Variants in OR8B4 observed in about 807,000 individuals in gnomAD.
OR8B4 encodes olfactory receptor family 8 subfamily B member 4, also known as olfactory receptor 8B4.
In OR8B4, 3 loss-of-function variants were observed where a neutral mutation model predicts 1.3. The observed-to-expected ratio is 2.37, with a 90% CI of 1.08 to 6.13. The LOEUF is 6.13. Ranked by LOEUF, OR8B4 falls within the 30% of genes most tolerant of loss-of-function variation. The pLI, the probability that OR8B4 is intolerant of heterozygous loss-of-function variation, is 0.02. For missense variants in OR8B4, 360 were observed against 368.9 expected (o/e 0.98, Z 0.20); for synonymous variants, 139 against 144.2 (o/e 0.96, Z 0.26).
rs1484454147 is a variant in OR8B4 at position 124,424,474 on chromosome 11, A to G, written c.398T>C (p.Val133Ala). The change falls in exon 1 of 1, where the codon GTC (valine) becomes GCC (alanine). Residue 133 changes from valine (V) to alanine (A), a missense_variant. Val to Ala is a moderately conservative substitution (Grantham distance 64). Coordinates refer to ENST00000356130, the MANE Select transcript of OR8B4 (RefSeq NM_001005196.1). ...AAAGCAGACCCTTGGGGACATGGTG[A>G]CCATGTAGAGCAGGGGGTTGCAGAT... ...VAICNPLLYM[V>A]TMSPRVCFLL... is the part of the protein sequence containing the mutation. 6.2e-7 allele frequency: 1 copy of G among 1,614,160 alleles called. No homozygotes were observed. Among genetic ancestry groups the G allele is most frequent in the Admixed American group, 1.7e-5 (1 of 60,016 alleles).
chr11:124,424,791 AAG>A lies in OR8B4; in HGVS notation c.79_80del (p.Leu27PhefsTer27). Reference sequence around the variant, plus strand: ...CATAGATCCCTAAGAATAGAAGGAAAAGAGGGAGCTGGAGCTCTGGCTGTTCT... The same window carrying A: ...CATAGATCCCTAAGAATAGAAGGAAAAGGGAGCTGGAGCTCTGGCTGTTCT... ...LSEQPELQLP[L>X]FLLFLGIYVF... is the part of the protein sequence containing the mutation. On this transcript the variant is annotated frameshift_variant, in exon 1 of 1. Coordinates refer to ENST00000356130, the MANE Select transcript of OR8B4 (RefSeq NM_001005196.1). LOFTEE classifies it low-confidence loss of function (END_TRUNC). 6.2e-7 allele frequency: 1 copy of A among 1,613,790 alleles called. No individual in the cohort carries two copies. The highest frequency in any genetic ancestry group is 8.5e-7 in the Non-Finnish European group (1 of 1,179,806).
rs1048330002 is a variant in OR8B4 at position 124,424,471 on chromosome 11, G to T, written c.401C>A (p.Thr134Asn). The change falls in exon 1 of 1, where the codon ACC (threonine) becomes AAC (asparagine). Residue 134 changes from threonine to asparagine, a missense_variant. By Grantham distance (65) the Thr-to-Asn change is moderately conservative. Transcript: ENST00000356130. ...AICNPLLYMV[T>N]MSPRVCFLLM... ...CAGAAAGCAGACCCTTGGGGACATG[G>T]TGACCATGTAGAGCAGGGGGTTGCA... 4 of 1,614,004 alleles carry T rather than the reference G, an allele frequency of 2.5e-6. No homozygotes were observed. The African/African-American group carries it at 4.0e-5, about 16-fold the overall frequency.
Position 124,424,296 on chromosome 11 carries a change from A to G in OR8B4, c.576T>C (p.His192=), listed in dbSNP as rs767892691. The G allele has an allele frequency of 8.7e-6, 14 of 1,613,712 alleles. No homozygotes were observed. In the South Asian group the frequency reaches 1.4e-4, roughly 16 times the overall value. ...PLLQLSCTST[H]VSELVFFIVV... ...CAATGAAAAATACCAGCTCACTGAC[A>G]TGGGTGCTGGTGCAGGAGAGCTGCA... The change falls in exon 1 of 1, where the codon CAT becomes CAC. Residue 192 remains histidine, a synonymous_variant. Coordinates refer to ENST00000356130, the MANE Select transcript of OR8B4 (RefSeq NM_001005196.1).
rs777720636 is a variant in OR8B4 at position 124,424,693 on chromosome 11, T to C, written c.179A>G (p.Tyr60Cys). Residue 60 changes from tyrosine to cysteine, a missense_variant, in exon 1 of 1, where the codon TAC (tyrosine) becomes TGC (cysteine). Tyr to Cys is a radical substitution (Grantham distance 194). Coordinates refer to ENST00000356130, the MANE Select transcript of OR8B4 (RefSeq NM_001005196.1). ...AAAGGACAAGTTGAAGAGGAAAAAG[T>C]ACATGGGGGTGTGAAGGCTAGGATT... ...GINPSLHTPMYFFLFNLSFID... is the reference protein window; with the variant it reads ...GINPSLHTPMCFFLFNLSFID... 6.2e-6 allele frequency: 10 copies of C among 1,613,942 alleles called. No individual in the cohort carries two copies. The highest frequency in any genetic ancestry group is 2.7e-5 in the African/African-American group (2 of 74,896).
rs267602759 is a variant in OR8B4 at position 124,424,773 on chromosome 11, C to T, written c.99G>A (p.Gly33=). 8 of 1,613,890 alleles carry T rather than the reference C, an allele frequency of 5.0e-6. No homozygotes were observed. In the East Asian group the frequency reaches 1.8e-4, roughly 36 times the overall value. Reference sequence around the variant, plus strand: ...TGCCCACCACAGTGAACACATAGATCCCTAAGAATAGAAGGAAAAGAGGGA... The same window carrying T: ...TGCCCACCACAGTGAACACATAGATTCCTAAGAATAGAAGGAAAAGAGGGA... The part of the protein sequence containing the change: ...LQLPLFLLFL[G]IYVFTVVGNL... The change falls in exon 1 of 1, where the codon GGG becomes GGA. Residue 33 remains glycine, a synonymous_variant. Coordinates refer to ENST00000356130, the MANE Select transcript of OR8B4 (RefSeq NM_001005196.1).
chr11:124,424,214 T>C lies in OR8B4; in HGVS notation c.658A>G (p.Ile220Val), dbSNP rs948156651. The C allele has an allele frequency of 5.0e-6, 8 of 1,614,028 alleles. No homozygotes were observed. The African/African-American group carries it at 1.1e-4, about 22-fold the overall frequency. ...GGAATACAGAGGATGTTGGAGAGTA[T>C]CAAAGCGTAAGAGATGACGATGCTT... Reference protein sequence around the residue: ...SISIVISYALILSNILCIPSA... With the variant: ...SISIVISYALVLSNILCIPSA... The change falls in exon 1 of 1, where the codon ATA (isoleucine) becomes GTA (valine). Residue 220 changes from isoleucine to valine, a missense_variant. Transcript: ENST00000356130.
At position 124,424,749 on chromosome 11, in the gene OR8B4, G is replaced by A; in HGVS notation, c.123C>T (p.Gly41=). ...CAATTAAGGTGATCAAGCCCAAGTTGCCCACCACAGTGAACACATAGATCC... is the reference window on the plus strand; with the variant it reads ...CAATTAAGGTGATCAAGCCCAAGTTACCCACCACAGTGAACACATAGATCC... ...FLGIYVFTVV[G]NLGLITLIGI... The change falls in exon 1 of 1, where the codon GGC becomes GGT. Residue 41 remains glycine, a synonymous_variant. Transcript: ENST00000356130. The A allele has an allele frequency of 6.2e-7, 1 of 1,614,046 alleles. No individual in the cohort carries two copies. Among genetic ancestry groups the A allele is most frequent in the Non-Finnish European group, 8.5e-7 (1 of 1,179,946 alleles).
At position 124,424,806 on chromosome 11, in the gene OR8B4, CT is replaced by C; in HGVS notation, c.65del (p.Glu22GlyfsTer11). The C allele has an allele frequency of 1.2e-6, 2 of 1,613,798 alleles. No homozygotes were observed. The highest frequency in any genetic ancestry group is 1.7e-6 in the Non-Finnish European group (2 of 1,179,846). ...ATAGAAGGAAAAGAGGGAGCTGGAG[CT>C]CTGGCTGTTCTGATAATCCCACAAG... ...FILVGLSEQP[E>X]LQLPLFLLFL... On this transcript the variant is annotated frameshift_variant, in exon 1 of 1. Transcript: ENST00000356130. LOFTEE classifies it low-confidence loss of function (END_TRUNC).
Position 124,424,786 on chromosome 11 carries a change from A to G in OR8B4, c.86T>C (p.Leu29Pro), listed in dbSNP as rs763788213. Residue 29 changes from leucine (L) to proline (P), a missense_variant, in exon 1 of 1, where the codon CTT becomes CCT. Transcript: ENST00000356130. ...GAACACATAGATCCCTAAGAATAGA[A>G]GGAAAAGAGGGAGCTGGAGCTCTGG... ...EQPELQLPLFLLFLGIYVFTV... is the reference protein window; with the variant it reads ...EQPELQLPLFPLFLGIYVFTV... The G allele has an allele frequency of 1.2e-6, 2 of 1,613,868 alleles. No homozygotes were observed. The highest frequency in any genetic ancestry group is 3.3e-5 in the Admixed American group (2 of 60,006).
At position 124,424,416 on chromosome 11, in the gene OR8B4, A is replaced by G; in HGVS notation, c.456T>C (p.Phe152=). The part of the protein sequence containing the change: ...LLMFGSYVVG[F]AGAMAHTGSM... ...TTCCAGTGTGGGCCATGGCCCCAGC[A>G]AACCCTACCACATAGGAACCAAACA... Residue 152 remains phenylalanine (F), a synonymous_variant, in exon 1 of 1, where the codon TTT becomes TTC. Coordinates refer to ENST00000356130, the MANE Select transcript of OR8B4 (RefSeq NM_001005196.1). 6.2e-7 allele frequency: 1 copy of G among 1,614,132 alleles called. No individual in the cohort carries two copies.
Position 124,424,051 on chromosome 11 carries a change from G to C in OR8B4, c.821C>G (p.Ser274Ter), listed in dbSNP as rs1861285696. ...GGGAACCACATTGGTGTAAAAGACT[G>C]AGGCAAATCTGCCATGGTTCATAGA... ...PGSMNHGRFA[S>*]VFYTNVVPML... Residue 274 changes from serine (S) to a stop codon, truncating the protein, a stop_gained, in exon 1 of 1, where the codon TCA (serine) becomes TGA (stop). Coordinates refer to ENST00000356130, the MANE Select transcript of OR8B4 (RefSeq NM_001005196.1). LOFTEE classifies it high-confidence loss of function. 1.2e-6 allele frequency: 2 copies of C among 1,614,122 alleles called. No individual in the cohort carries two copies. Among genetic ancestry groups the C allele is most frequent in the East Asian group, 4.5e-5 (2 of 44,884 alleles).
chr11:124,424,597 G>C lies in OR8B4; in HGVS notation c.275C>G (p.Ser92Cys). The change falls in exon 1 of 1, where the codon TCT becomes TGT. Residue 92 changes from serine to cysteine, a missense_variant. Ser to Cys is a moderately radical substitution (Grantham distance 112). Transcript: ENST00000356130. ...TAGCTGAGTCATACATCCCACATAA[G>C]AGATGATACTTTCTGAAACAAAGTC... Reference protein sequence around the residue: ...LNDFVSESIISYVGCMTQLFF... With the variant: ...LNDFVSESIICYVGCMTQLFF... The C allele has an allele frequency of 6.2e-7, 1 of 1,614,148 alleles. No homozygotes were observed.
rs1352842332 is a variant in OR8B4, at chr11:124,424,229, T to C, written c.643A>G (p.Ile215Val). ...TTGGAGAGTATCAAAGCGTAAGAGA[T>C]GACGATGCTTATGCTGGATAGCATG... ...ITMLSSISIV[I>V]SYALILSNIL... The change falls in exon 1 of 1, where the codon ATC (isoleucine) becomes GTC (valine). Residue 215 changes from isoleucine (I) to valine (V), a missense_variant. By Grantham distance (29) the Ile-to-Val change is conservative. Coordinates refer to ENST00000356130, the MANE Select transcript of OR8B4 (RefSeq NM_001005196.1). The C allele has an allele frequency of 1.6e-5, 26 of 1,614,070 alleles. No homozygotes were observed. The East Asian group carries it at 5.8e-4, about 36-fold the overall frequency.
In OR8B4 at chr11:124,424,506, A is replaced by G. The variant is rs1436321940; in HGVS notation, c.366T>C (p.Tyr122=). The stretch of plus-strand genomic sequence containing the variant: ...AGAGCAGGGGGTTGCAGATGGCCAC[A>G]TAGCGATCATAGGCCATTGATACCA... ...YVLVSMAYDR[Y]VAICNPLLYM... is the part of the protein sequence containing the mutation. The change falls in exon 1 of 1, where the codon TAT becomes TAC. Residue 122 remains tyrosine (Y), a synonymous_variant. Coordinates refer to ENST00000356130, the MANE Select transcript of OR8B4 (RefSeq NM_001005196.1). The G allele has an allele frequency of 1.9e-6, 3 of 1,613,990 alleles. No individual in the cohort carries two copies. The highest frequency in any genetic ancestry group is 2.2e-5 in the East Asian group (1 of 44,894).
chr11:124,424,331 G>A lies in OR8B4; in HGVS notation c.541C>T (p.Leu181Phe). 1 of 1,614,058 alleles carries A rather than the reference G, an allele frequency of 6.2e-7. No homozygotes were observed. Among genetic ancestry groups the A allele is most frequent in the Non-Finnish European group, 8.5e-7 (1 of 1,179,994 alleles). The change falls in exon 1 of 1, where the codon CTC (leucine) becomes TTC (phenylalanine). Residue 181 changes from leucine to phenylalanine, a missense_variant. Physicochemically the swap from Leu to Phe is conservative, Grantham distance 22 (BLOSUM62 0). Coordinates refer to ENST00000356130, the MANE Select transcript of OR8B4 (RefSeq NM_001005196.1). ...GTGCAGGAGAGCTGCAAGAGGGGGA[G>A]AACGTCACACAGATAATGGTCAATG... ...NVIDHYLCDV[L>F]PLLQLSCTST...
In OR8B4 at chr11:124,424,264, C is replaced by G. The variant is rs1861288667; in HGVS notation, c.608G>C (p.Gly203Ala). 1.2e-6 allele frequency: 2 copies of G among 1,613,932 alleles called. No homozygotes were observed. The highest frequency in any genetic ancestry group is 2.2e-5 in the East Asian group (1 of 44,880). ...VSELVFFIVV[G>A]VITMLSSISI... The stretch of plus-strand genomic sequence containing the variant: ...TATGCTGGATAGCATGGTGATTACT[C>G]CAACAACAATGAAAAATACCAGCTC... The change falls in exon 1 of 1, where the codon GGA (glycine) becomes GCA (alanine). Residue 203 changes from glycine (G) to alanine (A), a missense_variant. Coordinates refer to ENST00000356130, the MANE Select transcript of OR8B4 (RefSeq NM_001005196.1).
At position 124,424,686 on chromosome 11, in the gene OR8B4, G is replaced by T; in HGVS notation, c.186C>A (p.Phe62Leu). The T allele has an allele frequency of 6.2e-7, 1 of 1,614,052 alleles. No homozygotes were observed. Among genetic ancestry groups the T allele is most frequent in the Non-Finnish European group, 8.5e-7 (1 of 1,179,996 alleles). ...NPSLHTPMYFFLFNLSFIDLC... is the reference protein window; with the variant it reads ...NPSLHTPMYFLLFNLSFIDLC... ...GATCTATAAAGGACAAGTTGAAGAG[G>T]AAAAAGTACATGGGGGTGTGAAGGC... Residue 62 changes from phenylalanine (F) to leucine (L), a missense_variant, in exon 1 of 1, where the codon TTC becomes TTA. Coordinates refer to ENST00000356130, the MANE Select transcript of OR8B4 (RefSeq NM_001005196.1).
Position 124,424,532 on chromosome 11 carries a change from A to G in OR8B4, c.340T>C (p.Leu114=). Residue 114 remains leucine (L), a synonymous_variant, in exon 1 of 1, where the codon TTG becomes CTG. Transcript: ENST00000356130. Reference sequence around the variant, plus strand: ...TAGCGATCATAGGCCATTGATACCAACACATAGCACTCAGAATTGACAAAG... The same window carrying G: ...TAGCGATCATAGGCCATTGATACCAGCACATAGCACTCAGAATTGACAAAG... ...CFFVNSECYV[L]VSMAYDRYVA... 1 of 1,614,138 alleles carries G rather than the reference A, an allele frequency of 6.2e-7. No homozygotes were observed. Among genetic ancestry groups the G allele is most frequent in the Non-Finnish European group, 8.5e-7 (1 of 1,180,004 alleles).
Position 124,423,963 on chromosome 11 carries a change from G to A in OR8B4, c.909C>T (p.Thr303=). Residue 303 remains threonine, a synonymous_variant, in exon 1 of 1, where the codon ACC becomes ACT. Transcript: ENST00000356130. ...NKDDKLALGK[T]LKRVLF ...CCCATTAGAAGAGCACTCTCTTCAG[G>A]GTTTTGCCCAGGGCAAGTTTATCAT... 2 of 1,613,634 alleles carry A rather than the reference G, an allele frequency of 1.2e-6. No individual in the cohort carries two copies. Among genetic ancestry groups the A allele is most frequent in the Non-Finnish European group, 1.7e-6 (2 of 1,179,558 alleles).
Sources: gnomAD v4.1 joint callset for allele counts on GRCh38, gnomAD v4.1.1 for gene constraint, MANE v1.5 for transcripts, NCBI Gene and HGNC (gene_info 2026-07-23, HGNC 2026-07-21) for gene names.